B3GALT1: variants seen among roughly 807,000 people sequenced by gnomAD.
B3GALT1 encodes the protein beta-1,3-galactosyltransferase 1, also known as UDP-Gal:betaGlcNAc beta 1,3-galactosyltransferase, polypeptide 1.
A neutral mutation model predicts 23.2 loss-of-function variants in B3GALT1; 10 were observed. That is an observed-to-expected ratio of 0.43 (90% confidence interval 0.27 to 0.73). The LOEUF is 0.73. B3GALT1 is among the 30% of genes least tolerant of loss of function. The pLI, the probability that B3GALT1 is intolerant of heterozygous loss-of-function variation, is 0.21. For missense variants in B3GALT1, 299 were observed against 405.4 expected (o/e 0.74, Z 2.25); for synonymous variants, 156 against 141.5 (o/e 1.10, Z -0.73).
At chr2:167,328,032 G>T (rs372616094) in intron 1 of B3GALT1, among the ~76,000 whole-genome samples, 82 of 152,242 alleles carry the variant, frequency 5.4e-4, no homozygotes, top group African/African-American at 1.9e-3. Flanking sequence ...TTATTGATTT[G>T]TGTATTTTGA....
intron 4 of B3GALT1, among the ~76,000 whole-genome samples, chr2:167,865,187 T>A (rs1212770664): frequency 6.6e-6 from 1 of 151,962 alleles, no homozygotes; most frequent in East Asian, 1.9e-4. Context: ...GGCAGGAAGA[T>A]CACCTGAGGT....
chr2:167,638,916 T>A (rs1685606410), intron 2 of B3GALT1, among the ~76,000 whole-genome samples: 1 of 152,040 alleles, frequency 6.6e-6, no homozygotes, highest in South Asian at 2.1e-4. Context: ...CAAATTACTT[T>A]TCTGGTCCTT....
intron 1 of B3GALT1, among the ~76,000 whole-genome samples, chr2:167,406,954 A>G (rs1183032888): frequency 6.6e-6 from 1 of 152,196 alleles, no homozygotes; most frequent in Non-Finnish European, 1.5e-5. Context: ...CTGAAAAGGA[A>G]AACATTGGAG....
At chr2:167,396,674 A>G (rs1374055136) in intron 1 of B3GALT1, among the ~76,000 whole-genome samples, 4 of 151,828 alleles carry the variant, frequency 2.6e-5, no homozygotes, top group African/African-American at 9.7e-5. Flanking sequence ...TTGATACTGT[A>G]TTAACATGAG....
chr2:167,449,147 T>G (rs1434588987), intron 1 of B3GALT1, among the ~76,000 whole-genome samples: 2 of 152,178 alleles, frequency 1.3e-5, no homozygotes, highest in African/African-American at 4.8e-5. Context: ...ATGATGGCAT[T>G]TTGATGGGAA....
intron 3 of B3GALT1, among the ~76,000 whole-genome samples, chr2:167,766,442 T>C (rs566842855): frequency 2.0e-5 from 3 of 152,348 alleles, no homozygotes; most frequent in African/African-American, 7.2e-5. Context: ...GTAAACTTTA[T>C]TTCTCAACAT....
chr2:167,831,390 C>G (rs1198492676), intron 4 of B3GALT1, among the ~76,000 whole-genome samples: 1 of 152,176 alleles, frequency 6.6e-6, no homozygotes, highest in Non-Finnish European at 1.5e-5. Flanking sequence ...TGTAATCACA[C>G]AGTAAATTGT....
chr2:167,662,616 G>C (rs1191401502), intron 3 of B3GALT1, among the ~76,000 whole-genome samples: 2 of 152,040 alleles, frequency 1.3e-5, no homozygotes, highest in African/African-American at 2.4e-5. Flanking sequence ...CACTGTAACA[G>C]ACAAAAAGAT....
At chr2:167,668,593 A>G (rs1193470393) in intron 3 of B3GALT1, among the ~76,000 whole-genome samples, 1 of 152,116 alleles carries the variant, frequency 6.6e-6, no homozygotes, top group Admixed American at 6.5e-5. Flanking sequence ...TGTGCTAGCA[A>G]TCAGCGAGAC....
At chr2:167,495,533 A>G (rs1045210103) in intron 2 of B3GALT1, among the ~76,000 whole-genome samples, 3 of 152,142 alleles carry the variant, frequency 2.0e-5, no homozygotes, top group African/African-American at 7.2e-5. Flanking sequence ...GGGTTTCTCC[A>G]TGTTGGTCAG....
At chr2:167,540,751 T>C (rs1225848799) in intron 2 of B3GALT1, among the ~76,000 whole-genome samples, 1 of 152,188 alleles carries the variant, frequency 6.6e-6, no homozygotes, top group Admixed American at 6.5e-5. Context: ...ATATTTTATC[T>C]CACTCCCTAT....
At chr2:167,516,882 G>T (rs947959139) in intron 2 of B3GALT1, among the ~76,000 whole-genome samples, 2 of 151,514 alleles carry the variant, frequency 1.3e-5, no homozygotes, top group African/African-American at 4.8e-5. Flanking sequence ...TTTACTTCAT[G>T]TTTCAATCCC....
At position 167,808,041 on chromosome 2, in the gene B3GALT1, T is replaced by C. The variant is rs1360323421; in HGVS notation, c.-351-10631T>C. On this transcript the variant is annotated intron_variant, in intron 3 of 4. Coordinates refer to ENST00000392690, the MANE Select transcript of B3GALT1 (RefSeq NM_020981.4). ...TTAGCTCTTCTTGTTGAATTGATCC[T>C]TTTACCATTATGTAATGGCCTTCTT... Among the ~76,000 whole-genome samples, 129 of 151,894 alleles carry C rather than the reference T, an allele frequency of 8.5e-4. 2 individuals carry two copies. Among genetic ancestry groups the C allele is most frequent in the African/African-American group, 2.7e-3 (110 of 41,354 alleles).
chr2:167,750,667 C>T (rs1215451461), intron 3 of B3GALT1, among the ~76,000 whole-genome samples: 1 of 150,986 alleles, frequency 6.6e-6, no homozygotes, highest in African/African-American at 2.4e-5. Context: ...CGGTTCACAA[C>T]CTTTTCATAG....
At chr2:167,678,546 C>T (rs998006305) in intron 3 of B3GALT1, among the ~76,000 whole-genome samples, 2 of 150,912 alleles carry the variant, frequency 1.3e-5, no homozygotes, top group African/African-American at 2.4e-5. Context: ...ATACATCTTA[C>T]AATACCCACC....
intron 2 of B3GALT1, among the ~76,000 whole-genome samples, chr2:167,513,067 A>AC (rs1459330431): frequency 3.1e-5 from 4 of 130,756 alleles, no homozygotes; most frequent in Non-Finnish European, 6.2e-5. Context: ...TATTCATGCC[A>AC]CAAAAAAAAA....
At chr2:167,757,577 C>A (rs1192178826) in intron 3 of B3GALT1, among the ~76,000 whole-genome samples, 2 of 152,068 alleles carry the variant, frequency 1.3e-5, no homozygotes, top group East Asian at 3.8e-4. Flanking sequence ...TCAGGCTGGA[C>A]TTTTTTTGAC....
At position 167,507,150 on chromosome 2, in the gene B3GALT1, A is replaced by G. The variant is rs191677457; in HGVS notation, c.-410+16873A>G. 2.0e-5 allele frequency among the ~76,000 whole-genome samples: 3 copies of G among 152,344 alleles called. No homozygotes were observed. The East Asian group carries it at 5.8e-4, about 29-fold the overall frequency. On this transcript the variant is annotated intron_variant, in intron 2 of 4. Coordinates refer to ENST00000392690, the MANE Select transcript of B3GALT1 (RefSeq NM_020981.4). ...ATTAAGAGAATGTGGTTCTGCCACA[A>G]GAACAGAAAGATGAGTGGAATAGAG...
At chr2:167,650,156 G>T (rs1041732615) in intron 3 of B3GALT1, among the ~76,000 whole-genome samples, 8 of 151,298 alleles carry the variant, frequency 5.3e-5, no homozygotes, top group African/African-American at 1.9e-4. Flanking sequence ...TACTTTCTCT[G>T]CAGCAATTAA....
Sources: gnomAD v4.1 joint callset for allele counts (sites outside exome capture counted in the v4.1 genomes callset) on GRCh38, gnomAD v4.1.1 for gene constraint, MANE v1.5 for transcripts, NCBI Gene and HGNC (gene_info 2026-07-23, HGNC 2026-07-21) for gene names.